The following SRRM2 variants were observed in gnomAD, a reference collection of about 807,000 sequenced individuals.
SRRM2 encodes the protein serine/arginine repetitive matrix 2.
A neutral mutation model predicts 213.8 loss-of-function variants in SRRM2; 30 were observed. The ratio of observed to expected loss-of-function variants is 0.14; its 90% CI spans 0.10 to 0.19. The LOEUF (loss-of-function observed/expected upper bound fraction) is 0.19, where lower values mean the gene tolerates loss of function less well. Among genes scored for constraint, SRRM2 ranks in the 10% least tolerant of loss-of-function variants. The pLI is 1.00. For missense variants in SRRM2, 4,904 were observed against 3,647.0 expected (o/e 1.34, Z -8.88); for synonymous variants, 2,025 against 1,377.7 (o/e 1.47, Z -10.40).
At chr16:2,759,868 GTTATT>G in intron 9 of SRRM2, 1 of 571,172 alleles carries the variant, frequency 1.8e-6, no homozygotes, top group Non-Finnish European at 3.1e-6. Flanking sequence ...TTGTTTATTT[GTTATT>G]TTTGTTTCGT....
Position 2,771,064 on chromosome 16 carries a change from G to A in SRRM2, c.*197G>A, listed in dbSNP as rs2150782396. On this transcript the variant is annotated 3_prime_UTR_variant, in exon 15 of 15. Coordinates refer to ENST00000301740, the MANE Select transcript of SRRM2 (RefSeq NM_016333.4). The stretch of plus-strand genomic sequence containing the variant: ...TGTTAATCTCCGTGAGTTCTTCCTG[G>A]TTCATGTGTTCTGGGGGGTTTGGGG... 2.7e-6 allele frequency: 1 copy of A among 374,382 alleles called. No homozygotes were observed. The highest frequency in any genetic ancestry group is 2.3e-5 in the South Asian group (1 of 43,520). 23.2% of individuals were successfully genotyped at this position (374,382 alleles called of 1,614,324 possible).
rs757917881 is a variant in SRRM2 at position 2,764,234 on chromosome 16, G to A, written c.3706G>A (p.Glu1236Lys). ...NSALPTSSQDEELMEVVEKSE... is the reference protein window; with the variant it reads ...NSALPTSSQDKELMEVVEKSE... ...TGCATTGCCTACGTCAAGCCAAGAT[G>A]AAGAGTTAATGGAGGTGGTAGAGAA... is the stretch of plus-strand genomic sequence containing the variant. Residue 1236 changes from glutamate to lysine, a missense_variant, in exon 11 of 15, where the codon GAA becomes AAA. By Grantham distance (56) the Glu-to-Lys change is moderately conservative. Transcript: ENST00000301740. 1.2e-6 allele frequency: 2 copies of A among 1,614,150 alleles called. No homozygotes were observed. Among genetic ancestry groups the A allele is most frequent in the Non-Finnish European group, 1.7e-6 (2 of 1,180,034 alleles).
Position 2,765,214 on chromosome 16 carries a change from T to A in SRRM2, c.4686T>A (p.Ser1562=), listed in dbSNP as rs2068497050. Residue 1562 remains serine, a synonymous_variant, in exon 11 of 15, where the codon TCT becomes TCA. Coordinates refer to ENST00000301740, the MANE Select transcript of SRRM2 (RefSeq NM_016333.4). ...SPQERSESDS[S]PDSKAKTRTP... is the part of the protein sequence containing the mutation. ...AGGAAAGAAGTGAGTCAGACTCTTC[T>A]CCAGATTCTAAAGCCAAGACAAGAA... The A allele has an allele frequency of 6.2e-7, 1 of 1,614,072 alleles. No individual in the cohort carries two copies. The highest frequency in any genetic ancestry group is 8.5e-7 in the Non-Finnish European group (1 of 1,179,962).
At chr16:2,758,788 C>G (rs571541154) in intron 5 of SRRM2, 197 bp from the exon 6 acceptor site, 1 of 711,240 alleles carries the variant, frequency 1.4e-6, no homozygotes, top group Non-Finnish European at 2.3e-6. Context: ...TTTTCTTTTT[C>G]ATTTTGAGGT....
Position 2,766,346 on chromosome 16 carries a change from CCAA to C in SRRM2, c.5824_5826del (p.Thr1942del), listed in dbSNP as rs765201217. ...CCGCCGTCGTTCAAGGTCTAGAACG[CCAA>C]CAACACGCCGCCGCTCCCGTTCTAG... On this transcript the variant is annotated inframe_deletion, in exon 11 of 15. Transcript: ENST00000301740. This position sits in a 1 kb window ranked among gnomAD's most constrained non-coding sequence, Gnocchi z 7.0. The C allele has an allele frequency of 1.1e-5, 17 of 1,614,032 alleles. No homozygotes were observed. Among genetic ancestry groups the C allele is most frequent in the Non-Finnish European group, 1.1e-5 (13 of 1,180,016 alleles).
intron 1 of SRRM2, chr16:2,753,410 A>T (rs904430863): frequency 3.9e-5 from 6 of 152,252 alleles, no homozygotes. Flanking sequence ...CGTGGGCCGG[A>T]TTTAAATGGT....
At position 2,770,918 on chromosome 16, in the gene SRRM2, T is replaced by A; in HGVS notation, c.*51T>A. 1 of 1,611,496 alleles carries A rather than the reference T, an allele frequency of 6.2e-7. No individual in the cohort carries two copies. The highest frequency in any genetic ancestry group is 8.5e-7 in the Non-Finnish European group (1 of 1,178,904). Reference sequence around the variant, plus strand: ...CCCAATGCTCTGGAGCCACAAGGAGTGTCCCTTCTTCCCCAGCAGAGCCGT... The same window carrying A: ...CCCAATGCTCTGGAGCCACAAGGAGAGTCCCTTCTTCCCCAGCAGAGCCGT... On this transcript the variant is annotated 3_prime_UTR_variant, in exon 15 of 15. Transcript: ENST00000301740.
Position 2,764,547 on chromosome 16 carries a change from G to C in SRRM2, c.4019G>C (p.Gly1340Ala), listed in dbSNP as rs750586569. The C allele has an allele frequency of 1.9e-6, 3 of 1,614,092 alleles. No individual in the cohort carries two copies. The highest frequency in any genetic ancestry group is 2.7e-5 in the African/African-American group (2 of 74,926). The change falls in exon 11 of 15, where the codon GGT becomes GCT. Residue 1340 changes from glycine to alanine, a missense_variant. Gly to Ala is a moderately conservative substitution (Grantham distance 60). Coordinates refer to ENST00000301740, the MANE Select transcript of SRRM2 (RefSeq NM_016333.4). ...GAATTTAGAAACTCAGGCCCACTTGGTACAGAAATGAATACTGGATTTTCT... is the reference window on the plus strand; with the variant it reads ...GAATTTAGAAACTCAGGCCCACTTGCTACAGAAATGAATACTGGATTTTCT... ...PLEFRNSGPL[G>A]TEMNTGFSSE...
intron 7 of SRRM2, 33 bp downstream of exon 7, chr16:2,759,205 G>A: frequency 6.2e-7 from 1 of 1,610,914 alleles, no homozygotes; most frequent in Admixed American, 1.7e-5. Flanking sequence ...GGGGCGCAGT[G>A]GCATGTGGAG....
At chr16:2,759,547 T>C (rs1567223508) in intron 8 of SRRM2, 22 bp from the exon 9 acceptor site, 1 of 1,613,294 alleles carries the variant, frequency 6.2e-7, no homozygotes, top group Non-Finnish European at 8.5e-7. Flanking sequence ...TACCCTGAGC[T>C]GTGGTGGTGG....
At chr16:2,754,188 C>T (rs1009915028) in intron 1 of SRRM2, among the ~76,000 whole-genome samples, 1 of 152,066 alleles carries the variant, frequency 6.6e-6, no homozygotes, top group Non-Finnish European at 1.5e-5. Flanking sequence ...CCTTAGATGC[C>T]GTGGGGTCGT....
At position 2,764,399 on chromosome 16, in the gene SRRM2, G is replaced by C. The variant is rs752817772; in HGVS notation, c.3871G>C (p.Ala1291Pro). 5 of 1,613,336 alleles carry C rather than the reference G, an allele frequency of 3.1e-6. No individual in the cohort carries two copies. Among genetic ancestry groups the C allele is most frequent in the East Asian group, 2.2e-5 (1 of 44,888 alleles). Residue 1291 changes from alanine to proline, a missense_variant, in exon 11 of 15, where the codon GCT becomes CCT. Physicochemically the swap from Ala to Pro is conservative, Grantham distance 27. Transcript: ENST00000301740. Reference sequence around the variant, plus strand: ...GACTCTTGATCAGAGCCAGTCACAGGCTTCTTTGGAAGCAGTAGAAGTCCC... The same window carrying C: ...GACTCTTGATCAGAGCCAGTCACAGCCTTCTTTGGAAGCAGTAGAAGTCCC... ...SLTLDQSQSQASLEAVEVPSM... is the reference protein window; with the variant it reads ...SLTLDQSQSQPSLEAVEVPSM...
At position 2,771,188 on chromosome 16, in the gene SRRM2, C is replaced by G. The variant is rs2068735929; in HGVS notation, c.*321C>G. The G allele has an allele frequency of 3.2e-6, 2 of 631,914 alleles. No homozygotes were observed. 39.1% of individuals were successfully genotyped at this position (631,914 alleles called of 1,614,324 possible). The stretch of plus-strand genomic sequence containing the variant: ...AGGGAGGCATGGCCCCACTTGTATC[C>G]AGAAGTTCCCAGGGGTGATTGTGAT... On this transcript the variant is annotated 3_prime_UTR_variant, in exon 15 of 15. Coordinates refer to ENST00000301740, the MANE Select transcript of SRRM2 (RefSeq NM_016333.4).
At chr16:2,753,457 G>A (rs1289257345) in intron 1 of SRRM2, 1 of 152,260 alleles carries the variant, frequency 6.6e-6, no homozygotes, top group Non-Finnish European at 1.5e-5. Context: ...AGTTGTTAGT[G>A]GCGGGGAGAA....
At chr16:2,759,868 GT>G in intron 9 of SRRM2, 1 of 571,172 alleles carries the variant, frequency 1.8e-6, no homozygotes, top group Non-Finnish European at 3.1e-6. Context: ...TTGTTTATTT[GT>G]TATTTTTGTT....
At chr16:2,768,949 TG>T in intron 11 of SRRM2, 47 bp from the exon 12 acceptor site, 1 of 1,607,004 alleles carries the variant, frequency 6.2e-7, no homozygotes, top group Non-Finnish European at 8.5e-7. Context: ...AAGGTAGGGT[TG>T]GGGCTGGGGC....
chr16:2,757,560 A>G lies in SRRM2; in HGVS notation c.331A>G (p.Thr111Ala). Residue 111 changes from threonine to alanine, a missense_variant, in exon 3 of 15, where the codon ACC (threonine) becomes GCC (alanine). Physicochemically the swap from Thr to Ala is moderately conservative, Grantham distance 58. Coordinates refer to ENST00000301740, the MANE Select transcript of SRRM2 (RefSeq NM_016333.4). ...TGTGAACCCTGGGGGCAAGGAGGAG[A>G]CCCCAGGGCAGAGGCCAGCGTGAGT... ...KDVNPGGKEE[T>A]PGQRPAVTET... 1.2e-6 allele frequency: 2 copies of G among 1,613,404 alleles called. No homozygotes were observed. Among genetic ancestry groups the G allele is most frequent in the Non-Finnish European group, 1.7e-6 (2 of 1,179,690 alleles).
At chr16:2,754,831 T>C (rs570111410) in intron 1 of SRRM2, among the ~76,000 whole-genome samples, 1 of 152,328 alleles carries the variant, frequency 6.6e-6, no homozygotes, top group Non-Finnish European at 1.5e-5. Context: ...ATACAGTTTT[T>C]CATTTTTTCC....
intron 14 of SRRM2, 31 bp downstream of exon 14, chr16:2,770,748 C>A (rs749881378): frequency 6.3e-7 from 1 of 1,588,872 alleles, no homozygotes; most frequent in Non-Finnish European, 8.6e-7. Context: ...ATGCCCCCTT[C>A]CGGGAGCCAG....
Sources: allele counts gnomAD v4.1 joint callset (sites outside exome capture counted in the v4.1 genomes callset), GRCh38; gene constraint gnomAD v4.1.1; non-coding constraint Gnocchi (gnomAD v3.1); transcripts MANE v1.5; gene names NCBI Gene and HGNC (gene_info 2026-07-23, HGNC 2026-07-21).